The following ARHGAP35 variants were observed in gnomAD, a reference collection of about 807,000 sequenced individuals.
ARHGAP35 encodes Rho GTPase activating protein 35.
In ARHGAP35, 15 loss-of-function variants were observed where a neutral mutation model predicts 111.1. The ratio of observed to expected loss-of-function variants is 0.13; its 90% CI spans 0.09 to 0.21. The LOEUF (loss-of-function observed/expected upper bound fraction) is 0.21. ARHGAP35 is among the 10% of genes least tolerant of loss of function. The probability of loss-of-function intolerance (pLI) is 1.00; values close to 1 mark genes in which losing one functional copy is unlikely to be tolerated. For synonymous variants in ARHGAP35, 643 were observed against 710.3 expected (o/e 0.91, Z 1.51); for missense variants, 1,262 against 1,873.0 (o/e 0.67, Z 6.02).
At chr19:46,937,439 C>T in intron 3 of ARHGAP35, 31 bp downstream of exon 3, 3 of 1,610,474 alleles carry the variant, frequency 1.9e-6, no homozygotes, top group Non-Finnish European at 1.7e-6. Context: ...CAGTTTATAA[C>T]TTTCACTGTC....
intron 2 of ARHGAP35, among the ~76,000 whole-genome samples, chr19:46,934,564 A>G (rs376736588): frequency 4.3e-4 from 65 of 152,214 alleles, no homozygotes; most frequent in Admixed American, 7.8e-4. Context: ...ACAGGGTTTC[A>G]CTATGTTGGC....
intron 3 of ARHGAP35, among the ~76,000 whole-genome samples, chr19:46,967,088 T>G (rs982873341): frequency 3.3e-5 from 5 of 151,944 alleles, no homozygotes; most frequent in African/African-American, 1.2e-4. Flanking sequence ...CTCCAGCAAT[T>G]GGACTTGGCC....
intron 1 of ARHGAP35, among the ~76,000 whole-genome samples, chr19:46,863,788 A>G (rs564834987): frequency 3.3e-5 from 5 of 152,120 alleles, no homozygotes; most frequent in Non-Finnish European, 4.4e-5. Flanking sequence ...GGGAAGCTAC[A>G]GTATTGCCTT....
rs200260051 is a variant in ARHGAP35, at chr19:46,969,084, C to CA, written c.3827-18895dup. ...CCTGGGCCAGAGAGCAGGACTGTCT[C>CA]AAAAAAAAAATAGAAAGAAGTAGAT... On this transcript the variant is annotated intron_variant, in intron 3 of 6. Transcript: ENST00000672722. Among the ~76,000 whole-genome samples, 557 of 148,042 alleles carry CA rather than the reference C, an allele frequency of 3.8e-3. 4 individuals carry two copies. Among genetic ancestry groups the CA allele is most frequent in the South Asian group, 4.7e-3 (22 of 4,674 alleles).
chr19:46,897,240 G>A (rs1378061630), intron 1 of ARHGAP35, among the ~76,000 whole-genome samples: 1 of 152,136 alleles, frequency 6.6e-6, no homozygotes, highest in Non-Finnish European at 1.5e-5. Context: ...GACAACAACT[G>A]ATGGCCCATT....
chr19:46,997,929 C>T (rs939596838), intron 5 of ARHGAP35, among the ~76,000 whole-genome samples: 3 of 151,994 alleles, frequency 2.0e-5, no homozygotes, highest in African/African-American at 4.8e-5. Context: ...GGTGAAACCC[C>T]GTCTCTACTA....
intron 1 of ARHGAP35, among the ~76,000 whole-genome samples, chr19:46,891,583 T>C (rs2056024155): frequency 6.6e-6 from 1 of 151,948 alleles, no homozygotes. Flanking sequence ...AGCACCACCA[T>C]GCCCAGCTAA....
chr19:46,883,553 C>A (rs1195712262), intron 1 of ARHGAP35, among the ~76,000 whole-genome samples: 1 of 152,160 alleles, frequency 6.6e-6, no homozygotes, highest in Non-Finnish European at 1.5e-5. Flanking sequence ...GCAAACATCA[C>A]TACTCACAGA....
intron 3 of ARHGAP35, among the ~76,000 whole-genome samples, chr19:46,952,742 C>T (rs922458512): frequency 2.6e-5 from 4 of 152,210 alleles, no homozygotes; most frequent in African/African-American, 9.7e-5. Context: ...GGTGCGATCT[C>T]AGCTCGCAGC....
At chr19:46,897,039 G>A (rs993278425) in intron 1 of ARHGAP35, among the ~76,000 whole-genome samples, 3 of 150,100 alleles carry the variant, frequency 2.0e-5, no homozygotes, top group African/African-American at 7.3e-5. Context: ...GACTACAAGC[G>A]CATGCCACCA....
intron 3 of ARHGAP35, among the ~76,000 whole-genome samples, chr19:46,939,140 T>A (rs79220985): frequency 6.7e-6 from 1 of 148,770 alleles, no homozygotes; most frequent in Non-Finnish European, 1.5e-5. Context: ...ATTGTCCATC[T>A]TTTTTTTTTC....
chr19:46,925,592 C>T (rs546252412), intron 2 of ARHGAP35, among the ~76,000 whole-genome samples: 2 of 152,296 alleles, frequency 1.3e-5, no homozygotes, highest in South Asian at 4.1e-4. Flanking sequence ...CCAGTTGAGG[C>T]AGCAAGGCCT....
At chr19:46,865,381 C>T (rs557265541) in intron 1 of ARHGAP35, among the ~76,000 whole-genome samples, 4 of 152,248 alleles carry the variant, frequency 2.6e-5, no homozygotes, top group African/African-American at 7.2e-5. Context: ...TGCTCCCCAC[C>T]CGCCCTTTTA....
At chr19:46,884,156 A>G (rs2055980374) in intron 1 of ARHGAP35, among the ~76,000 whole-genome samples, 1 of 152,186 alleles carries the variant, frequency 6.6e-6, no homozygotes, top group African/African-American at 2.4e-5. Flanking sequence ...CATAAAAAGT[A>G]GGATCTAGGC....
chr19:46,920,777 T>C lies in ARHGAP35; in HGVS notation c.2102T>C (p.Ile701Thr). The C allele has an allele frequency of 1.2e-6, 2 of 1,609,012 alleles. No individual in the cohort carries two copies. The highest frequency in any genetic ancestry group is 4.5e-5 in the East Asian group (2 of 44,796). Residue 701 changes from isoleucine to threonine, a missense_variant, in exon 2 of 7, where the codon ATT (isoleucine) becomes ACT (threonine). Ile to Thr is a moderately conservative substitution (Grantham distance 89). Around this residue, in one of 8 missense-constraint regions of ARHGAP35, gnomAD observed 579 missense variants for 716.9 expected, o/e 0.81. Transcript: ENST00000672722. This position sits in a 1 kb window ranked among gnomAD's most constrained non-coding sequence, Gnocchi z 7.0. ...TTAGTCCATCTCCCCCTTACATTAA[T>C]TTTGGTTAACAAGAGAGGAGACACC... Reference protein sequence around the residue: ...NHLVHLPLTLILVNKRGDTSG... With the variant: ...NHLVHLPLTLTLVNKRGDTSG...
chr19:46,950,847 G>A lies in ARHGAP35; in HGVS notation c.3826+13439G>A, dbSNP rs114045639. 5.1e-3 allele frequency among the ~76,000 whole-genome samples: 772 copies of A among 152,322 alleles called. 9 individuals carry two copies. The highest frequency in any genetic ancestry group is 0.018 in the African/African-American group (732 of 41,570). ...GGACAGTGCTCTCTGATGAAATGCT[G>A]GCCATTTGTGGCACAGAGAAGTAGG... On this transcript the variant is annotated intron_variant, in intron 3 of 6. Transcript: ENST00000672722.
chr19:46,959,071 T>TA (rs1298850846), intron 3 of ARHGAP35, among the ~76,000 whole-genome samples: 10 of 152,164 alleles, frequency 6.6e-5, no homozygotes, highest in African/African-American at 2.2e-4. Flanking sequence ...ATCTCCTTTT[T>TA]TAAAAAAAAA....
intron 3 of ARHGAP35, among the ~76,000 whole-genome samples, chr19:46,966,481 T>A (rs927515318): frequency 6.6e-6 from 1 of 152,178 alleles, no homozygotes; most frequent in African/African-American, 2.4e-5. Flanking sequence ...CGTGGGAGGT[T>A]GAAGCCATGG....
At chr19:46,886,190 A>C (rs894246186) in intron 1 of ARHGAP35, among the ~76,000 whole-genome samples, 3 of 152,126 alleles carry the variant, frequency 2.0e-5, no homozygotes, top group African/African-American at 7.2e-5. Context: ...TCCAAGGTTG[A>C]ATTAGCATCA....
Sources: allele counts gnomAD v4.1 joint callset (sites outside exome capture counted in the v4.1 genomes callset), GRCh38; gene constraint gnomAD v4.1.1; regional missense constraint gnomAD v4.1.1; non-coding constraint Gnocchi (gnomAD v3.1); transcripts MANE v1.5; gene names NCBI Gene and HGNC (gene_info 2026-07-23, HGNC 2026-07-21).